Variants in GNB1L observed in about 807,000 individuals in gnomAD.
GNB1L encodes the protein guanine nucleotide-binding protein subunit beta-like protein 1.
Under a neutral mutation model 29.1 loss-of-function variants are expected in GNB1L, and 20 were observed. The observed-to-expected ratio is 0.69, with a 90% CI of 0.48 to 1.00. The LOEUF (loss-of-function observed/expected upper bound fraction) is 1.00. Among genes scored for constraint, GNB1L ranks in the 50% least tolerant of loss-of-function variants. The probability of loss-of-function intolerance (pLI) is 0.00; values close to 1 mark genes in which losing one functional copy is unlikely to be tolerated. For missense variants in GNB1L, 421 were observed against 464.9 expected, an observed-to-expected ratio of 0.91 and a Z score of 0.87; for synonymous variants, 193 against 206.5, an observed-to-expected ratio of 0.93 and a Z score of 0.56.
At chr22:19,809,696 G>C (rs1937477292) in intron 5 of GNB1L, among the ~76,000 whole-genome samples, 1 of 152,212 alleles carries the variant, frequency 6.6e-6, no homozygotes, top group Non-Finnish European at 1.5e-5. Context: ...GGACACCGAG[G>C]AAGCGAAACA....
intron 4 of GNB1L, among the ~76,000 whole-genome samples, chr22:19,820,248 C>T (rs1937567361): frequency 6.6e-6 from 1 of 152,192 alleles, no homozygotes; most frequent in Admixed American, 6.5e-5. Context: ...TGCCCAGTTT[C>T]CCAAGCCACG....
intron 3 of GNB1L, 72 bp from the exon 4 acceptor site, chr22:19,820,795 G>T: frequency 6.5e-7 from 1 of 1,531,738 alleles, no homozygotes; most frequent in Non-Finnish European, 8.9e-7. Flanking sequence ...CCAGCCTGGA[G>T]GCCACATTGT....
At position 19,823,533 on chromosome 22, in the gene GNB1L, C is replaced by A. The variant is rs369710126; in HGVS notation, c.-20-2158G>T. Among the ~76,000 whole-genome samples, 149 of 152,280 alleles carry A rather than the reference C, an allele frequency of 9.8e-4. 1 individual carries two copies. Among genetic ancestry groups the A allele is most frequent in the African/African-American group, 2.9e-3 (119 of 41,554 alleles). ...AGGCAGGGCCCAGCTCCAAGAGGAG[C>A]CAAAGAATGCAGACCCGGCAAAAGC... On this transcript the variant is annotated intron_variant, in intron 2 of 7. Coordinates refer to ENST00000329517, the MANE Select transcript of GNB1L (RefSeq NM_053004.3).
chr22:19,816,889 C>A lies in GNB1L; in HGVS notation c.254+3709G>T, dbSNP rs1054700414. Among the ~76,000 whole-genome samples, 1 of 152,214 alleles carries A rather than the reference C, an allele frequency of 6.6e-6. No individual in the cohort carries two copies. The highest frequency in any genetic ancestry group is 2.4e-5 in the African/African-American group (1 of 41,446). On this transcript the variant is annotated intron_variant, in intron 4 of 7. Coordinates refer to ENST00000329517, the MANE Select transcript of GNB1L (RefSeq NM_053004.3). The surrounding 1 kb of genome is among the most constrained non-coding windows in gnomAD (Gnocchi z 4.4). ...CAGGCTGCCGCTGCCACACCACCCC[C>A]CCAACCCTGCTTCTTTGACTGCCTG...
chr22:19,789,077 G>A, intron 7 of GNB1L, 117 bp from the exon 8 acceptor site: 1 of 1,108,912 alleles, frequency 9.0e-7, no homozygotes, highest in Non-Finnish European at 1.3e-6. Context: ...CCCGGGATGT[G>A]AGGGCCACAC....
chr22:19,825,888 T>C (rs958557233), intron 2 of GNB1L, among the ~76,000 whole-genome samples: 5 of 151,706 alleles, frequency 3.3e-5, no homozygotes, highest in African/African-American at 1.2e-4. Context: ...AGCCCAAGAG[T>C]TCCAGGCTAC....
chr22:19,821,160 C>T (rs1319316857), intron 3 of GNB1L, 68 bp downstream of exon 3: 2 of 1,488,682 alleles, frequency 1.3e-6, no homozygotes, highest in East Asian at 2.3e-5. Flanking sequence ...AAGCGCTGGG[C>T]TCCTTGCTAG....
rs757925867 is a variant in GNB1L at position 19,812,322 on chromosome 22, C to T, written c.380G>A (p.Arg127His). 5.0e-6 allele frequency: 8 copies of T among 1,612,922 alleles called. No individual in the cohort carries two copies. In the Admixed American group the frequency reaches 5.0e-5, roughly 10 times the overall value. ...RSSILAGGQP[R>H]WTLAVPGRGS... ...CCTCCCTGGCACGGCAAGCGTCCAG[C>T]GTGGCTGGCCCCCGGCCAGGATGCT... The change falls in exon 5 of 8, where the codon CGC becomes CAC. Residue 127 changes from arginine to histidine, a missense_variant. Coordinates refer to ENST00000329517, the MANE Select transcript of GNB1L (RefSeq NM_053004.3).
In GNB1L at chr22:19,821,322, G is replaced by C. The variant is rs748917528; in HGVS notation, c.34C>G (p.Pro12Ala). The change falls in exon 3 of 8, where the codon CCC (proline) becomes GCC (alanine). Residue 12 changes from proline to alanine, a missense_variant. Coordinates refer to ENST00000329517, the MANE Select transcript of GNB1L (RefSeq NM_053004.3). ...TAPCPPPPPD[P>A]QFVLRGTQSP... ...TGGGTGCCTCGGAGGACAAACTGGGGGTCTGGAGGTGGCGGCGGGCAGGGG... is the reference window on the plus strand; with the variant it reads ...TGGGTGCCTCGGAGGACAAACTGGGCGTCTGGAGGTGGCGGCGGGCAGGGG... 1.2e-6 allele frequency: 2 copies of C among 1,613,030 alleles called. No homozygotes were observed. The highest frequency in any genetic ancestry group is 1.7e-5 in the Admixed American group (1 of 60,004).
At chr22:19,846,475 ACT>A (rs1221532982) in intron 2 of GNB1L, 1 of 984,934 alleles carries the variant, frequency 1.0e-6, no homozygotes, top group Admixed American at 6.2e-5. Flanking sequence ...GGCCTGGGGG[ACT>A]CTGCACACAG....
At chr22:19,820,473 C>A in intron 4 of GNB1L, 125 bp downstream of exon 4, 1 of 1,093,812 alleles carries the variant, frequency 9.1e-7, no homozygotes, top group Non-Finnish European at 1.3e-6. Context: ...GCTGCGGACC[C>A]TTTGCTGGCC....
At chr22:19,828,950 G>A (rs1937643512) in intron 2 of GNB1L, among the ~76,000 whole-genome samples, 1 of 151,918 alleles carries the variant, frequency 6.6e-6, no homozygotes, top group South Asian at 2.1e-4. Context: ...TTGTGCCTCA[G>A]CCTCCCGAGT....
chr22:19,835,891 C>A (rs972658835), intron 2 of GNB1L, among the ~76,000 whole-genome samples: 6 of 152,016 alleles, frequency 3.9e-5, no homozygotes, highest in Non-Finnish European at 8.8e-5. Context: ...CATATCAAAA[C>A]GTGTAGGATG....
At chr22:19,831,983 C>T (rs9618707) in intron 2 of GNB1L, among the ~76,000 whole-genome samples, 8,916 of 152,184 alleles carry the variant, frequency 0.059, 829 homozygotes, top group African/African-American at 0.2. Flanking sequence ...AAGCTCATTA[C>T]AGCCTCTCTC....
intron 2 of GNB1L, among the ~76,000 whole-genome samples, chr22:19,821,715 G>A (rs1937580958): frequency 6.6e-6 from 1 of 152,204 alleles, no homozygotes; most frequent in African/African-American, 2.4e-5. Flanking sequence ...CCCCACCTGA[G>A]CCATCCCTGA....
chr22:19,854,070 C>T (rs1938176962), intron 2 of GNB1L, among the ~76,000 whole-genome samples: 1 of 152,240 alleles, frequency 6.6e-6, no homozygotes, highest in African/African-American at 2.4e-5. Context: ...GGGCCTGAGC[C>T]TTCCTAACCC....
At chr22:19,836,704 G>A (rs993972812) in intron 2 of GNB1L, among the ~76,000 whole-genome samples, 4 of 152,110 alleles carry the variant, frequency 2.6e-5, no homozygotes, top group African/African-American at 7.2e-5. Flanking sequence ...ATCCAACAGT[G>A]TAGAAAAAGA....
chr22:19,846,490 A>C, intron 2 of GNB1L: 3 of 985,382 alleles, frequency 3.0e-6, no homozygotes, highest in Non-Finnish European at 3.6e-6. Flanking sequence ...GCACACAGGC[A>C]TGTGGAGACC....
At chr22:19,852,561 C>T in intron 2 of GNB1L, 2 of 372,608 alleles carry the variant, frequency 5.4e-6, no homozygotes, top group Non-Finnish European at 9.7e-6. Flanking sequence ...GAAGAGGCTA[C>T]AAGCGGGCAA....
Sources: allele counts gnomAD v4.1 joint callset (sites outside exome capture counted in the v4.1 genomes callset), GRCh38; gene constraint gnomAD v4.1.1; non-coding constraint Gnocchi (gnomAD v3.1); transcripts MANE v1.5; gene names NCBI Gene and HGNC (gene_info 2026-07-23, HGNC 2026-07-21).